The following MYRIP variants were observed in gnomAD, a reference collection of about 807,000 sequenced individuals.
MYRIP encodes rab effector MyRIP.
Under a neutral mutation model 98.0 loss-of-function variants are expected in MYRIP, and 49 were observed. That is an observed-to-expected ratio of 0.50 (90% CI 0.40 to 0.63). The LOEUF (loss-of-function observed/expected upper bound fraction) is 0.63, where lower values mean the gene tolerates loss of function less well. MYRIP is among the 30% of genes least tolerant of loss of function. MYRIP has a pLI of 0.00. For missense variants in MYRIP, 1,004 were observed against 1,058.2 expected (o/e 0.95, Z 0.71); for synonymous variants, 404 against 409.5 (o/e 0.99, Z 0.16).
chr3:39,919,776 C>A (rs1944267070), intron 2 of MYRIP, among the ~76,000 whole-genome samples: 1 of 149,688 alleles, frequency 6.7e-6, no homozygotes, highest in Non-Finnish European at 1.5e-5. Context: ...TATTTTTAAT[C>A]CTCCTTCCTT....
intron 2 of MYRIP, among the ~76,000 whole-genome samples, chr3:39,935,653 GTAT>G (rs1469404836): frequency 6.6e-6 from 1 of 152,114 alleles, no homozygotes. Flanking sequence ...ATAAGGAAAA[GTAT>G]TATAATTCTT....
At chr3:39,907,786 G>A (rs1411824290) in intron 2 of MYRIP, among the ~76,000 whole-genome samples, 1 of 152,200 alleles carries the variant, frequency 6.6e-6, no homozygotes, top group Non-Finnish European at 1.5e-5. Flanking sequence ...TAGGCAGTTA[G>A]TGGTAGAGTC....
intron 3 of MYRIP, among the ~76,000 whole-genome samples, chr3:40,126,642 C>T (rs1239080708): frequency 2.0e-5 from 3 of 152,204 alleles, no homozygotes; most frequent in Non-Finnish European, 4.4e-5. Context: ...AGGTTAAATA[C>T]ATAACCTACA....
chr3:40,125,318 A>G (rs1361082278), intron 3 of MYRIP, among the ~76,000 whole-genome samples: 1 of 152,250 alleles, frequency 6.6e-6, no homozygotes, highest in African/African-American at 2.4e-5. Context: ...AAGAAGAGCC[A>G]GTCCAAGTTT....
At chr3:40,088,961 G>A (rs1391471896) in intron 3 of MYRIP, among the ~76,000 whole-genome samples, 1 of 151,746 alleles carries the variant, frequency 6.6e-6, no homozygotes, top group Non-Finnish European at 1.5e-5. Context: ...GGAATGGTAA[G>A]ACACAGAGAG....
chr3:40,009,899 G>A (rs1395000007), intron 2 of MYRIP, among the ~76,000 whole-genome samples: 8 of 152,330 alleles, frequency 5.3e-5, no homozygotes, highest in African/African-American at 9.6e-5. Context: ...TGAGGTCAGC[G>A]AGTTGAAATA....
At chr3:39,896,595 A>G (rs1235388483) in intron 1 of MYRIP, among the ~76,000 whole-genome samples, 2 of 152,182 alleles carry the variant, frequency 1.3e-5, no homozygotes, top group Admixed American at 1.3e-4. Flanking sequence ...TTTCAGTTCT[A>G]ACCTAAACCC....
At chr3:40,037,112 A>G (rs13077646) in intron 2 of MYRIP, among the ~76,000 whole-genome samples, 42,226 of 151,318 alleles carry the variant, frequency 0.28, 6,571 homozygotes, top group Non-Finnish European at 0.36. Flanking sequence ...GTCCAAATCT[A>G]TTAGTAATTT....
At chr3:40,009,193 C>T (rs1213231769) in intron 2 of MYRIP, among the ~76,000 whole-genome samples, 7 of 151,990 alleles carry the variant, frequency 4.6e-5, no homozygotes, top group Non-Finnish European at 7.3e-5. Context: ...GGCGCCCTCT[C>T]CTAGGCACGG....
At chr3:40,043,032 T>G (rs1291946228) in intron 2 of MYRIP, among the ~76,000 whole-genome samples, 1 of 152,202 alleles carries the variant, frequency 6.6e-6, no homozygotes, top group Non-Finnish European at 1.5e-5. Flanking sequence ...GATAGAGTAT[T>G]GTATCACTTT....
intron 2 of MYRIP, among the ~76,000 whole-genome samples, chr3:39,940,166 G>A (rs1944752813): frequency 6.6e-6 from 1 of 151,970 alleles, no homozygotes; most frequent in Non-Finnish European, 1.5e-5. Flanking sequence ...AATCTGCATG[G>A]AAATACACAC....
chr3:40,218,620 A>T lies in MYRIP; in HGVS notation c.1905+8527A>T, dbSNP rs1477941558. ...ACACATATATATATATTTTATATAT[A>T]TATATATATATATATATATATATAT... On this transcript the variant is annotated intron_variant, in intron 11 of 16. Transcript: ENST00000302541. 5.9e-3 allele frequency among the ~76,000 whole-genome samples: 79 copies of T among 13,316 alleles called. 1 individual carries two copies. The East Asian group carries it at 0.071, about 12-fold the overall frequency. 8.7% of individuals were successfully genotyped at this position (13,316 alleles called of 152,430 possible).
At chr3:40,252,503 T>C (rs1236079407) in intron 16 of MYRIP, among the ~76,000 whole-genome samples, 2 of 152,170 alleles carry the variant, frequency 1.3e-5, no homozygotes, top group Admixed American at 6.5e-5. Flanking sequence ...CCTGGCACAA[T>C]AGACATAGCA....
intron 3 of MYRIP, among the ~76,000 whole-genome samples, chr3:40,066,883 T>C (rs1268625858): frequency 6.6e-6 from 1 of 152,142 alleles, no homozygotes; most frequent in Admixed American, 6.5e-5. Context: ...TGAATGAAAA[T>C]ATGTGAATGA....
Position 40,250,471 on chromosome 3 carries a change from G to A in MYRIP, c.2400G>A (p.Arg800=), listed in dbSNP as rs745665703. 1 of 1,614,202 alleles carries A rather than the reference G, an allele frequency of 6.2e-7. No homozygotes were observed. The highest frequency in any genetic ancestry group is 8.5e-7 in the Non-Finnish European group (1 of 1,180,018). Residue 800 remains arginine (R), a synonymous_variant, in exon 15 of 17, where the codon AGG becomes AGA. Coordinates refer to ENST00000302541, the MANE Select transcript of MYRIP (RefSeq NM_015460.4). ...VQTIDTSRQQ[R]RKLPAPPVKA... is the part of the protein sequence containing the mutation. ...CCATAGATACATCAAGGCAGCAAAG[G>A]AGGAAACTGCCTGCTCCACCGGTGA...
intron 3 of MYRIP, among the ~76,000 whole-genome samples, chr3:40,054,008 C>A (rs1325018814): frequency 6.6e-6 from 1 of 152,126 alleles, no homozygotes; most frequent in Non-Finnish European, 1.5e-5. Context: ...ATTGGCACTC[C>A]CGCTAACTGT....
chr3:39,814,134 G>C (rs1288167911), intron 1 of MYRIP, among the ~76,000 whole-genome samples: 1 of 152,036 alleles, frequency 6.6e-6, no homozygotes, highest in Non-Finnish European at 1.5e-5. Context: ...TCCTCAGAAG[G>C]GGAACAACTG....
intron 4 of MYRIP, among the ~76,000 whole-genome samples, chr3:40,156,237 T>G (rs554387985): frequency 9.9e-5 from 15 of 152,224 alleles, no homozygotes; most frequent in African/African-American, 3.6e-4. Context: ...CAGCACCATT[T>G]ATTAAATAGG....
intron 10 of MYRIP, among the ~76,000 whole-genome samples, chr3:40,195,766 A>G (rs1248316572): frequency 3.3e-5 from 5 of 152,104 alleles, no homozygotes; most frequent in Non-Finnish European, 5.9e-5. Flanking sequence ...TCAGTTTGGT[A>G]TCAGGTGATA....
Sources: gnomAD v4.1 joint callset for allele counts (sites outside exome capture counted in the v4.1 genomes callset) on GRCh38, gnomAD v4.1.1 for gene constraint, MANE v1.5 for transcripts, NCBI Gene and HGNC (gene_info 2026-07-23, HGNC 2026-07-21) for gene names.